The following MTARC1 variants were observed in gnomAD, a reference collection of about 807,000 sequenced individuals.
The protein encoded by MTARC1 is mitochondrial amidoxime reducing component 1.
MTARC1 carries 24 observed loss-of-function variants against 33.6 expected under a neutral mutation model. That is an observed-to-expected ratio of 0.72 (90% CI 0.52 to 1.01). The LOEUF (loss-of-function observed/expected upper bound fraction) is 1.01, where lower values mean the gene tolerates loss of function less well. MTARC1 is among the 50% of genes least tolerant of loss of function. MTARC1 has a pLI of 0.00. For missense variants in MTARC1, 417 were observed against 445.7 expected, an observed-to-expected ratio of 0.94 and a Z score of 0.58; for synonymous variants, 187 against 189.5, an observed-to-expected ratio of 0.99 and a Z score of 0.11.
Position 220,816,032 on chromosome 1 carries a change from T to C in MTARC1, c.*2614T>C, listed in dbSNP as rs1251504343. 2.0e-5 allele frequency: 3 copies of C among 152,206 alleles called. No homozygotes were observed. The highest frequency in any genetic ancestry group is 7.2e-5 in the African/African-American group (3 of 41,428). 9.4% of individuals were successfully genotyped at this position (152,206 alleles called of 1,614,324 possible). A position where few individuals can be genotyped will look rare whatever the true frequency, so the allele number is the denominator to read the frequency against. ...TTATACACACGAAGGCAGAAAGAAA[T>C]TGGGGAAGGGGAGGCTGTTGGAATT... On this transcript the variant is annotated 3_prime_UTR_variant, in exon 7 of 7. Transcript: ENST00000366910.
At chr1:220,790,497 G>A (rs1050506711) in intron 1 of MTARC1, among the ~76,000 whole-genome samples, 3 of 152,220 alleles carry the variant, frequency 2.0e-5, no homozygotes, top group African/African-American at 7.2e-5. Context: ...ATTTGGGTCA[G>A]GGCAGGCCTC....
At chr1:220,800,456 G>A (rs1196933213) in intron 4 of MTARC1, among the ~76,000 whole-genome samples, 5 of 152,192 alleles carry the variant, frequency 3.3e-5, no homozygotes, top group Non-Finnish European at 1.5e-5. Flanking sequence ...GGAGGGTGGC[G>A]AGCAGCCAGA....
chr1:220,797,407 C>G (rs764473139), intron 3 of MTARC1, among the ~76,000 whole-genome samples: 4 of 152,148 alleles, frequency 2.6e-5, no homozygotes, highest in Non-Finnish European at 5.9e-5. Context: ...GCCCAGGTGA[C>G]AAGGAGTCTC....
chr1:220,799,683 G>A (rs573795611), intron 4 of MTARC1, among the ~76,000 whole-genome samples: 6 of 152,294 alleles, frequency 3.9e-5, no homozygotes, highest in Middle Eastern at 3.4e-3. Context: ...CCACAGCAAG[G>A]AGGGGCTGGG....
intron 2 of MTARC1, among the ~76,000 whole-genome samples, chr1:220,795,196 G>T (rs1189438301): frequency 6.6e-6 from 1 of 152,184 alleles, no homozygotes; most frequent in Non-Finnish European, 1.5e-5. Context: ...ACTACCTACT[G>T]AGCATATCCC....
At chr1:220,791,452 A>G (rs1235493380) in intron 1 of MTARC1, 39 bp from the exon 2 acceptor site, 6 of 1,600,470 alleles carry the variant, frequency 3.7e-6, no homozygotes, top group East Asian at 4.5e-5. Context: ...GCTTCCTGCC[A>G]TAATGGTTCA....
intron 3 of MTARC1, 173 bp from the exon 4 acceptor site, chr1:220,797,701 C>T: frequency 1.6e-6 from 1 of 620,176 alleles, no homozygotes; most frequent in East Asian, 2.8e-5. Context: ...ATCTGCAAGG[C>T]TATTGAAAAC....
chr1:220,799,199 C>A (rs1297784919), intron 4 of MTARC1: 24 of 978,494 alleles, frequency 2.5e-5, no homozygotes, highest in Non-Finnish European at 2.9e-5. Context: ...ACTGCTAATG[C>A]TTCATATAAA....
chr1:220,804,411 G>C (rs1672905887), intron 4 of MTARC1, among the ~76,000 whole-genome samples: 1 of 152,106 alleles, frequency 6.6e-6, no homozygotes, highest in Non-Finnish European at 1.5e-5. Flanking sequence ...TGTATGGATG[G>C]CCTATCTTGG....
At chr1:220,804,230 C>T (rs1672899071) in intron 4 of MTARC1, among the ~76,000 whole-genome samples, 1 of 152,154 alleles carries the variant, frequency 6.6e-6, no homozygotes, top group Non-Finnish European at 1.5e-5. Flanking sequence ...CCCATCTTAC[C>T]TATTCCTTAT....
chr1:220,805,676 G>A (rs1672949863), intron 6 of MTARC1, among the ~76,000 whole-genome samples: 1 of 152,182 alleles, frequency 6.6e-6, no homozygotes. Context: ...GTGAAGTGAT[G>A]TGACATCTGG....
At chr1:220,800,787 C>A (rs924162889) in intron 4 of MTARC1, among the ~76,000 whole-genome samples, 27 of 152,134 alleles carry the variant, frequency 1.8e-4, no homozygotes, top group African/African-American at 6.5e-4. Flanking sequence ...CAGCACACAA[C>A]AGCTCTGACT....
intron 6 of MTARC1, among the ~76,000 whole-genome samples, chr1:220,806,465 G>C (rs146666827): frequency 2.5e-4 from 38 of 152,296 alleles, no homozygotes; most frequent in African/African-American, 8.9e-4. Flanking sequence ...TCATGAACGA[G>C]CGCATGACAG....
Position 220,786,997 on chromosome 1 carries a change from C to A in MTARC1, c.53C>A (p.Ser18Tyr). The change falls in exon 1 of 7, where the codon TCC (serine) becomes TAC (tyrosine). Residue 18 changes from serine to tyrosine, a missense_variant. Ser to Tyr is a moderately radical substitution (Grantham distance 144). Coordinates refer to ENST00000366910, the MANE Select transcript of MTARC1 (RefSeq NM_022746.4). The part of the protein sequence containing the change: ...ALARFVLLAQ[S>Y]RPGWLGVAAL... Reference sequence around the variant, plus strand: ...GCGCGCTTTGTCCTCCTCGCGCAATCCCGGCCCGGGTGGCTCGGGGTTGCC... The same window carrying A: ...GCGCGCTTTGTCCTCCTCGCGCAATACCGGCCCGGGTGGCTCGGGGTTGCC... The A allele has an allele frequency of 3.9e-6, 5 of 1,294,964 alleles. No homozygotes were observed. The highest frequency in any genetic ancestry group is 3.9e-6 in the Non-Finnish European group (4 of 1,028,928). The allele number at this position is 1,294,964 out of a possible 1,614,324, so 80.2% of individuals were successfully genotyped here.
chr1:220,803,521 C>T (rs572057649), intron 4 of MTARC1, among the ~76,000 whole-genome samples: 5 of 152,276 alleles, frequency 3.3e-5, no homozygotes, highest in African/African-American at 9.6e-5. Context: ...AGCCCCCTCC[C>T]CTGGGAAGCC....
At chr1:220,806,454 A>G (rs1049832520) in intron 6 of MTARC1, among the ~76,000 whole-genome samples, 4 of 152,184 alleles carry the variant, frequency 2.6e-5, no homozygotes, top group African/African-American at 9.7e-5. Flanking sequence ...TATCCAAACC[A>G]TCATGAACGA....
intron 1 of MTARC1, among the ~76,000 whole-genome samples, chr1:220,788,944 A>G (rs2102582623): frequency 6.6e-6 from 1 of 152,306 alleles, no homozygotes; most frequent in South Asian, 2.1e-4. Context: ...TGACAAGAAG[A>G]GCTGGCCTTT....
intron 2 of MTARC1, among the ~76,000 whole-genome samples, chr1:220,794,888 G>C (rs1243619746): frequency 6.6e-6 from 1 of 152,156 alleles, no homozygotes; most frequent in Non-Finnish European, 1.5e-5. Context: ...TTTTCTGCAT[G>C]AGTGTTACGC....
At chr1:220,808,709 A>G (rs2102607626) in intron 6 of MTARC1, 1 of 402,086 alleles carries the variant, frequency 2.5e-6, no homozygotes, top group South Asian at 1.9e-5. Context: ...ACCCACAGGC[A>G]GAGCCCGCGG....
Sources: gnomAD v4.1 joint callset for allele counts (sites outside exome capture counted in the v4.1 genomes callset) on GRCh38, gnomAD v4.1.1 for gene constraint, MANE v1.5 for transcripts, NCBI Gene and HGNC (gene_info 2026-07-23, HGNC 2026-07-21) for gene names.